TOX3: variants seen among roughly 807,000 people sequenced by gnomAD.
TOX3 encodes CAG trinucleotide repeat-containing gene F9 protein.
In TOX3, 22 loss-of-function variants were observed where a neutral mutation model predicts 64.3. The observed-to-expected ratio is 0.34, with a 90% confidence interval of 0.24 to 0.49. The LOEUF is 0.49. Ranked by LOEUF, TOX3 falls within the 20% of genes least tolerant of loss-of-function variation. The pLI is 0.99. For synonymous variants in TOX3, 291 were observed against 273.6 expected (o/e 1.06, Z -0.63); for missense variants, 661 against 714.4 (o/e 0.93, Z 0.85).
At chr16:52,521,995 T>C (rs1053608939) in intron 1 of TOX3, among the ~76,000 whole-genome samples, 2 of 152,332 alleles carry the variant, frequency 1.3e-5, no homozygotes, top group Non-Finnish European at 2.9e-5. Flanking sequence ...TCAGCCATGC[T>C]TCCATTTCCG....
chr16:52,535,555 T>C (rs1304951834), intron 1 of TOX3, among the ~76,000 whole-genome samples: 2 of 152,218 alleles, frequency 1.3e-5, no homozygotes, highest in African/African-American at 4.8e-5. Context: ...AGCCTTGGAC[T>C]ACTTCCCTCT....
At chr16:52,457,350 A>T (rs931991977) in intron 3 of TOX3, among the ~76,000 whole-genome samples, 2 of 152,126 alleles carry the variant, frequency 1.3e-5, no homozygotes, top group East Asian at 1.9e-4. Context: ...CATCATTAAA[A>T]TTTTTTTAAA....
chr16:52,477,173 G>T (rs117573200), intron 1 of TOX3, among the ~76,000 whole-genome samples: 1 of 152,108 alleles, frequency 6.6e-6, no homozygotes, highest in Non-Finnish European at 1.5e-5. Flanking sequence ...GGGAGTGAGT[G>T]AAGCTTCAGA....
At chr16:52,504,546 T>A (rs532152006) in intron 1 of TOX3, among the ~76,000 whole-genome samples, 1 of 150,356 alleles carries the variant, frequency 6.7e-6, no homozygotes, top group Admixed American at 6.6e-5. Flanking sequence ...ACTTCCCACA[T>A]ACACACATTA....
intron 3 of TOX3, among the ~76,000 whole-genome samples, chr16:52,456,470 T>C (rs186846013): frequency 2.0e-3 from 297 of 152,296 alleles, no homozygotes; most frequent in Non-Finnish European, 1.9e-3. Context: ...TTCATGCCTG[T>C]GGTGTTCAAC....
chr16:52,483,229 G>C lies in TOX3; in HGVS notation c.88-14655C>G, dbSNP rs539249141. Among the ~76,000 whole-genome samples the C allele has an allele frequency of 4.6e-5, 7 of 152,318 alleles. No homozygotes were observed. In the East Asian group the frequency reaches 1.3e-3, roughly 29 times the overall value. ...ATGACTTTAATAAGATTGTAAAGTG[G>C]TGACACTGAATATCTTAATGCACAA... is the stretch of plus-strand genomic sequence containing the variant. On this transcript the variant is annotated intron_variant, in intron 1 of 6. Coordinates refer to ENST00000219746, the MANE Select transcript of TOX3 (RefSeq NM_001080430.4).
intron 1 of TOX3, among the ~76,000 whole-genome samples, chr16:52,492,946 G>T (rs1961736524): frequency 6.6e-6 from 1 of 150,544 alleles, no homozygotes; most frequent in South Asian, 2.1e-4. Context: ...AGAACAGTCA[G>T]ATCAAAAGAC....
intron 1 of TOX3, among the ~76,000 whole-genome samples, chr16:52,497,216 C>T (rs1961872876): frequency 6.6e-6 from 1 of 152,138 alleles, no homozygotes; most frequent in Non-Finnish European, 1.5e-5. Context: ...CCTTTCTAGG[C>T]CTGTTTCAGC....
intron 1 of TOX3, among the ~76,000 whole-genome samples, chr16:52,521,655 C>T (rs1962613218): frequency 6.6e-6 from 1 of 152,202 alleles, no homozygotes; most frequent in African/African-American, 2.4e-5. Context: ...CAAGTATGAT[C>T]TCTCCGATGA....
intron 1 of TOX3, among the ~76,000 whole-genome samples, chr16:52,478,734 T>C (rs1961288557): frequency 1.3e-5 from 2 of 152,184 alleles, no homozygotes; most frequent in Admixed American, 1.3e-4. Context: ...TCAGGTAAGT[T>C]GCTTCATGTT....
intron 1 of TOX3, among the ~76,000 whole-genome samples, chr16:52,515,861 T>C (rs1596849272): frequency 6.6e-6 from 1 of 152,236 alleles, no homozygotes; most frequent in African/African-American, 2.4e-5. Flanking sequence ...ATCCAAAAAG[T>C]GTACAAATTA....
At chr16:52,458,521 C>T (rs183262642) in intron 3 of TOX3, among the ~76,000 whole-genome samples, 2 of 152,296 alleles carry the variant, frequency 1.3e-5, no homozygotes, top group Admixed American at 1.3e-4. Context: ...CAATACTTAA[C>T]TGTAGATGAT....
chr16:52,449,017 C>T (rs1388306745), intron 4 of TOX3, among the ~76,000 whole-genome samples: 1 of 152,182 alleles, frequency 6.6e-6, no homozygotes, highest in Non-Finnish European at 1.5e-5. Flanking sequence ...TCACCAAATC[C>T]TTAAAATCTT....
At chr16:52,515,011 CAAAAAAAAAAAAA>C (rs56746564) in intron 1 of TOX3, among the ~76,000 whole-genome samples, 2 of 15,832 alleles carry the variant, frequency 1.3e-4, no homozygotes, top group African/African-American at 1.8e-4. Context: ...GACTCCATCT[CAAAAAAAAAAAAA>C]AAAAAAAAAA....
At chr16:52,477,367 CAG>C (rs575043581) in intron 1 of TOX3, among the ~76,000 whole-genome samples, 3 of 151,300 alleles carry the variant, frequency 2.0e-5, no homozygotes, top group Non-Finnish European at 4.4e-5. Context: ...AGGAAGGAGG[CAG>C]AGAGAGAGAG....
At chr16:52,462,527 T>C (rs964002452) in intron 3 of TOX3, among the ~76,000 whole-genome samples, 5 of 152,124 alleles carry the variant, frequency 3.3e-5, no homozygotes, top group African/African-American at 1.2e-4. Flanking sequence ...TATTTACCAA[T>C]TTAAGAAAGT....
intron 1 of TOX3, among the ~76,000 whole-genome samples, chr16:52,494,530 C>CTATT (rs1353408836): frequency 6.6e-6 from 1 of 152,196 alleles, no homozygotes; most frequent in East Asian, 1.9e-4. Flanking sequence ...CCACCATATC[C>CTATT]TATTTATTTA....
chr16:52,466,907 A>G (rs1415083063), intron 2 of TOX3, among the ~76,000 whole-genome samples: 2 of 152,198 alleles, frequency 1.3e-5, no homozygotes, highest in Non-Finnish European at 2.9e-5. Context: ...ATAACCACAT[A>G]TGGCATCAAC....
At chr16:52,478,212 A>G (rs1185839173) in intron 1 of TOX3, among the ~76,000 whole-genome samples, 2 of 152,168 alleles carry the variant, frequency 1.3e-5, no homozygotes, top group African/African-American at 2.4e-5. Flanking sequence ...AAGTCCCTAT[A>G]TCATCTGGGT....
Sources: allele counts gnomAD v4.1 joint callset (sites outside exome capture counted in the v4.1 genomes callset), GRCh38; gene constraint gnomAD v4.1.1; transcripts MANE v1.5; gene names NCBI Gene and HGNC (gene_info 2026-07-23, HGNC 2026-07-21).